Variants in PPM1E observed in about 807,000 individuals in gnomAD.
The protein encoded by PPM1E is protein phosphatase, Mg2+/Mn2+ dependent 1E, also known as protein phosphatase 1E.
PPM1E carries 20 observed loss-of-function variants against 65.9 expected under a neutral mutation model. The observed-to-expected ratio is 0.30, with a 90% CI of 0.21 to 0.44. PPM1E has a LOEUF of 0.44. Among genes scored for constraint, PPM1E ranks in the 20% least tolerant of loss-of-function variants. The probability of loss-of-function intolerance (pLI) is 1.00; values close to 1 mark genes in which losing one functional copy is unlikely to be tolerated. For missense variants in PPM1E, 713 were observed against 953.1 expected, an observed-to-expected ratio of 0.75 and a Z score of 3.32; for synonymous variants, 352 against 374.9, an observed-to-expected ratio of 0.94 and a Z score of 0.70.
In PPM1E at chr17:58,756,386, C is replaced by T. The variant is rs2049764636; in HGVS notation, c.389C>T (p.Pro130Leu). The T allele has an allele frequency of 2.2e-6, 3 of 1,369,752 alleles. No homozygotes were observed. The highest frequency in any genetic ancestry group is 1.9e-6 in the Non-Finnish European group (2 of 1,063,674). The allele number at this position is 1,369,752 out of a possible 1,614,324, so 84.8% of individuals were successfully genotyped here. A position where few individuals can be genotyped will look rare whatever the true frequency, so the allele number is the denominator to read the frequency against. The change falls in exon 1 of 7, where the codon CCG becomes CTG. Residue 130 changes from proline to leucine, a missense_variant. Transcript: ENST00000308249. The stretch of plus-strand genomic sequence containing the variant: ...CCGCCTTTGCCCCCGCTCCCGCGAC[C>T]GCTGTCAGAGCGCATCACCCGCGAG... ...QLPPLPPLPR[P>L]LSERITREEV...
At chr17:58,953,210 G>A (rs1298777078) in intron 1 of PPM1E, among the ~76,000 whole-genome samples, 1 of 152,200 alleles carries the variant, frequency 6.6e-6, no homozygotes, top group Non-Finnish European at 1.5e-5. Context: ...ATCTTAGTCT[G>A]CTTTGAATTG....
chr17:58,796,969 G>T (rs984432874), intron 1 of PPM1E, among the ~76,000 whole-genome samples: 2 of 152,086 alleles, frequency 1.3e-5, no homozygotes, highest in African/African-American at 4.8e-5. Context: ...AGCTAGGTGT[G>T]GTGACGGGTG....
At chr17:58,771,671 A>G (rs1485039745) in intron 1 of PPM1E, among the ~76,000 whole-genome samples, 3 of 132,152 alleles carry the variant, frequency 2.3e-5, no homozygotes, top group African/African-American at 8.9e-5. Flanking sequence ...AGGAAAATAT[A>G]TGATTAAAGA....
Position 58,964,552 on chromosome 17 carries a change from C to T in PPM1E, c.584-1142C>T, listed in dbSNP as rs114681892. 1.5e-4 allele frequency among the ~76,000 whole-genome samples: 23 copies of T among 152,066 alleles called. No individual in the cohort carries two copies. In the East Asian group the frequency reaches 2.5e-3, roughly 17 times the overall value. On this transcript the variant is annotated intron_variant, in intron 2 of 6. Transcript: ENST00000308249. ...GGTGAAGTGGTAGACATAGGTGAAG[C>T]GGTAGGTTTAGGGTCAAGAGACCTG... is the stretch of plus-strand genomic sequence containing the variant.
At chr17:58,787,767 C>T (rs892690581) in intron 1 of PPM1E, among the ~76,000 whole-genome samples, 4 of 151,614 alleles carry the variant, frequency 2.6e-5, no homozygotes, top group East Asian at 3.9e-4. Context: ...ATTAGCCAGG[C>T]GTGGTGGCAG....
intron 1 of PPM1E, among the ~76,000 whole-genome samples, chr17:58,825,297 T>C (rs1452105544): frequency 6.6e-6 from 1 of 151,214 alleles, no homozygotes; most frequent in African/African-American, 2.4e-5. Flanking sequence ...TGGCTGAGTG[T>C]AGTGGCTCAT....
chr17:58,811,039 G>T (rs1449981500), intron 1 of PPM1E, among the ~76,000 whole-genome samples: 1 of 152,022 alleles, frequency 6.6e-6, no homozygotes, highest in African/African-American at 2.4e-5. Flanking sequence ...TGTATTTTTG[G>T]TAGAGACGGG....
chr17:58,823,053 A>ATT (rs146157406), intron 1 of PPM1E, among the ~76,000 whole-genome samples: 1 of 149,850 alleles, frequency 6.7e-6, no homozygotes, highest in African/African-American at 2.4e-5. Flanking sequence ...CCTTCTGAGC[A>ATT]TTTTTTTTTT....
chr17:58,918,683 G>A (rs2051714660), intron 1 of PPM1E, among the ~76,000 whole-genome samples: 1 of 151,530 alleles, frequency 6.6e-6, no homozygotes. Context: ...GCATGCACTT[G>A]TAGTCCCAGC....
intron 1 of PPM1E, among the ~76,000 whole-genome samples, chr17:58,909,979 T>G (rs1406583758): frequency 7.4e-6 from 1 of 135,472 alleles, no homozygotes; most frequent in Non-Finnish European, 1.5e-5. Context: ...CTTGGCTCAC[T>G]GCAAACTCCA....
At chr17:58,812,303 CAAAAAAA>C (rs35132799) in intron 1 of PPM1E, among the ~76,000 whole-genome samples, 21 of 49,786 alleles carry the variant, frequency 4.2e-4, no homozygotes, top group East Asian at 1.4e-3. Context: ...GACTCTGTTT[CAAAAAAA>C]AAAAAAAAAA....
chr17:58,817,818 C>T (rs1166403774), intron 1 of PPM1E, among the ~76,000 whole-genome samples: 1 of 151,772 alleles, frequency 6.6e-6, no homozygotes, highest in East Asian at 1.9e-4. Context: ...GTGGCACGAT[C>T]TCCGCTCACT....
At chr17:58,836,502 C>G (rs758790567) in intron 1 of PPM1E, among the ~76,000 whole-genome samples, 2 of 147,756 alleles carry the variant, frequency 1.4e-5, no homozygotes, top group African/African-American at 5.0e-5. Context: ...CTTGCTCTGT[C>G]GCCCAGGCTG....
intron 1 of PPM1E, among the ~76,000 whole-genome samples, chr17:58,923,062 G>C (rs890667063): frequency 1.3e-5 from 2 of 151,870 alleles, no homozygotes; most frequent in African/African-American, 4.8e-5. Context: ...AAGACAGCTG[G>C]ATCACTTGAG....
chr17:58,882,951 C>CT (rs549698099), intron 1 of PPM1E, among the ~76,000 whole-genome samples: 7,870 of 98,874 alleles, frequency 0.08, 495 homozygotes, highest in Non-Finnish European at 0.11. Flanking sequence ...TTATTACTTT[C>CT]TTTTTTTTTT....
At chr17:58,949,323 C>T (rs985533879) in intron 1 of PPM1E, among the ~76,000 whole-genome samples, 1 of 152,074 alleles carries the variant, frequency 6.6e-6, no homozygotes, top group African/African-American at 2.4e-5. Flanking sequence ...TTCCTGCTTG[C>T]TTTTGGTTTC....
chr17:58,756,548 T>C, intron 1 of PPM1E, 87 bp downstream of exon 1: 1 of 1,228,372 alleles, frequency 8.1e-7, no homozygotes, highest in Non-Finnish European at 1.0e-6. Context: ...CTCAAACTGC[T>C]CTCTTTTCTG....
At chr17:58,822,216 G>A (rs995517884) in intron 1 of PPM1E, among the ~76,000 whole-genome samples, 3 of 152,270 alleles carry the variant, frequency 2.0e-5, no homozygotes, top group Middle Eastern at 3.4e-3. Flanking sequence ...AGGAGGCACT[G>A]AAGCATAGCA....
intron 1 of PPM1E, among the ~76,000 whole-genome samples, chr17:58,906,662 T>C (rs2051561755): frequency 6.6e-6 from 1 of 152,104 alleles, no homozygotes; most frequent in African/African-American, 2.4e-5. Context: ...AATTTTTAAT[T>C]TTTATGGGTA....
Sources: allele counts gnomAD v4.1 joint callset (sites outside exome capture counted in the v4.1 genomes callset), GRCh38; gene constraint gnomAD v4.1.1; transcripts MANE v1.5; gene names NCBI Gene and HGNC (gene_info 2026-07-23, HGNC 2026-07-21).